Variants in PAM observed in about 807,000 individuals in gnomAD.
PAM encodes the protein peptidylglycine alpha-amidating monooxygenase, also known as peptidyl-glycine alpha-amidating monooxygenase.
A neutral mutation model predicts 122.1 loss-of-function variants in PAM; 72 were observed. The observed-to-expected ratio is 0.59, with a 90% CI of 0.49 to 0.72. PAM has a LOEUF of 0.72. PAM is among the 30% of genes least tolerant of loss of function. The pLI is 0.00. For missense variants in PAM, 1,106 were observed against 1,183.7 expected (o/e 0.93, Z 0.96); for synonymous variants, 389 against 404.4 (o/e 0.96, Z 0.46).
chr5:102,979,630 G>T (rs1769047140), intron 15 of PAM, among the ~76,000 whole-genome samples: 1 of 151,720 alleles, frequency 6.6e-6, no homozygotes, highest in Non-Finnish European at 1.5e-5. Context: ...CTCAACTTTA[G>T]GTCTGTTAGT....
intron 16 of PAM, among the ~76,000 whole-genome samples, chr5:102,996,566 G>T (rs1001248295): frequency 6.6e-6 from 1 of 152,302 alleles, no homozygotes; most frequent in African/African-American, 2.4e-5. Context: ...TTTGAGAAAA[G>T]ATGTCAATTT....
intron 14 of PAM, 84 bp from the exon 15 acceptor site, chr5:102,974,032 A>G: frequency 1.2e-6 from 1 of 803,070 alleles, no homozygotes; most frequent in South Asian, 1.8e-5. Flanking sequence ...AGAAATGAGT[A>G]GATATTTTTT....
At chr5:102,957,794 C>T (rs1039049038) in intron 12 of PAM, among the ~76,000 whole-genome samples, 15 of 152,144 alleles carry the variant, frequency 9.9e-5, no homozygotes, top group Non-Finnish European at 2.1e-4. Context: ...TCCCAAAGTG[C>T]TGGGATTACA....
chr5:102,961,369 A>T (rs980498067), intron 14 of PAM, 140 bp downstream of exon 14: 1 of 531,382 alleles, frequency 1.9e-6, no homozygotes, highest in African/African-American at 2.0e-5. Flanking sequence ...TATACAATGC[A>T]TAATTCATGA....
At chr5:102,989,268 C>T (rs1367902445) in intron 15 of PAM, among the ~76,000 whole-genome samples, 1 of 152,122 alleles carries the variant, frequency 6.6e-6, no homozygotes, top group Non-Finnish European at 1.5e-5. Flanking sequence ...CTTTGGGAGG[C>T]TGAGGCAGGA....
intron 15 of PAM, among the ~76,000 whole-genome samples, chr5:102,983,540 C>T (rs1025645298): frequency 6.6e-6 from 1 of 151,150 alleles, no homozygotes; most frequent in Admixed American, 6.6e-5. Flanking sequence ...ACACTGTAAA[C>T]TGACCAAATA....
At chr5:102,969,195 A>G (rs957437821) in intron 14 of PAM, among the ~76,000 whole-genome samples, 6 of 152,042 alleles carry the variant, frequency 3.9e-5, no homozygotes, top group East Asian at 1.9e-4. Context: ...TATGTAACAA[A>G]CCTGCACATT....
intron 1 of PAM, among the ~76,000 whole-genome samples, chr5:102,818,241 A>G (rs919152453): frequency 1.3e-5 from 2 of 151,918 alleles, no homozygotes; most frequent in Non-Finnish European, 2.9e-5. Flanking sequence ...GCTTTGCTTT[A>G]TTCACTTTAT....
chr5:102,901,234 T>C (rs1437373480), intron 3 of PAM, 122 bp from the exon 4 acceptor site: 1 of 612,088 alleles, frequency 1.6e-6, no homozygotes, highest in South Asian at 2.0e-5. Context: ...CACTCAGCCC[T>C]CAGAAGGAAA....
At chr5:102,799,931 T>C (rs1472074845) in intron 1 of PAM, among the ~76,000 whole-genome samples, 3 of 152,204 alleles carry the variant, frequency 2.0e-5, no homozygotes, top group East Asian at 1.9e-4. Flanking sequence ...ACAACAATGT[T>C]TGGGGACTGT....
chr5:102,850,482 T>C (rs920550070), intron 1 of PAM, among the ~76,000 whole-genome samples: 5 of 152,210 alleles, frequency 3.3e-5, no homozygotes, highest in Non-Finnish European at 5.9e-5. Flanking sequence ...TTTAAGTCCC[T>C]ATTAGAGGGC....
At chr5:102,935,668 C>T (rs948343574) in intron 7 of PAM, among the ~76,000 whole-genome samples, 1 of 152,072 alleles carries the variant, frequency 6.6e-6, no homozygotes, top group Non-Finnish European at 1.5e-5. Flanking sequence ...CATATCCTTG[C>T]CTGCACTAGA....
intron 1 of PAM, among the ~76,000 whole-genome samples, chr5:102,786,680 A>AT (rs1760636605): frequency 6.6e-6 from 1 of 152,146 alleles, no homozygotes; most frequent in South Asian, 2.1e-4. Context: ...GACACATGCC[A>AT]TTTTTTAGGT....
intron 4 of PAM, among the ~76,000 whole-genome samples, chr5:102,908,196 G>A (rs1581581115): frequency 1.3e-5 from 2 of 152,168 alleles, no homozygotes; most frequent in Admixed American, 1.3e-4. Context: ...CATATGGCTA[G>A]CCAGTTTCCC....
At chr5:102,787,336 G>GT (rs1760807754) in intron 1 of PAM, among the ~76,000 whole-genome samples, 1 of 151,892 alleles carries the variant, frequency 6.6e-6, no homozygotes, top group Admixed American at 6.6e-5. Context: ...CCATTATCCC[G>GT]TGCTGTCTAG....
intron 3 of PAM, among the ~76,000 whole-genome samples, chr5:102,871,177 C>T (rs1243740417): frequency 6.6e-6 from 1 of 152,180 alleles, no homozygotes; most frequent in Admixed American, 6.5e-5. Flanking sequence ...ACTGGCTAGT[C>T]CTGTTCCTTC....
chr5:102,795,964 G>C (rs1334318562), intron 1 of PAM, among the ~76,000 whole-genome samples: 1 of 151,838 alleles, frequency 6.6e-6, no homozygotes, highest in Admixed American at 6.6e-5. Context: ...ATTTTTTTTA[G>C]TTTATACTTG....
chr5:103,001,419 T>C (rs1777336268), intron 16 of PAM, among the ~76,000 whole-genome samples: 1 of 152,118 alleles, frequency 6.6e-6, no homozygotes, highest in South Asian at 2.1e-4. Context: ...ATAAATATCT[T>C]ATGAAATCTG....
At chr5:102,788,018 C>T (rs1761018439) in intron 1 of PAM, among the ~76,000 whole-genome samples, 1 of 151,992 alleles carries the variant, frequency 6.6e-6, no homozygotes, top group South Asian at 2.1e-4. Context: ...TTTGCTATTC[C>T]TCACCGTAAA....
Sources: gnomAD v4.1 joint callset for allele counts (sites outside exome capture counted in the v4.1 genomes callset) on GRCh38, gnomAD v4.1.1 for gene constraint, MANE v1.5 for transcripts, NCBI Gene and HGNC (gene_info 2026-07-23, HGNC 2026-07-21) for gene names.